Variants in GALNT13 observed in about 807,000 individuals in gnomAD.
GALNT13 encodes the protein UDP-GalNAc:polypeptide N-acetylgalactosaminyltransferase 13.
Under a neutral mutation model 64.2 loss-of-function variants are expected in GALNT13, and 28 were observed. The ratio of observed to expected loss-of-function variants is 0.44; its 90% CI spans 0.32 to 0.60. GALNT13 has a LOEUF of 0.60. GALNT13 is among the 20% of genes least tolerant of loss of function. GALNT13 has a pLI of 0.05. For missense variants in GALNT13, 577 were observed against 669.8 expected (o/e 0.86, Z 1.53); for synonymous variants, 214 against 224.6 (o/e 0.95, Z 0.42).
the GALNT13 span, among the ~76,000 whole-genome samples, chr2:153,153,142 T>A: frequency 1.3e-5 from 2 of 152,164 alleles, no homozygotes; most frequent in African/African-American, 4.8e-5. Context: ...GATTTGCATT[T>A]CTCTAATGAT....
chr2:153,479,183 G>A, the GALNT13 span, among the ~76,000 whole-genome samples: 2 of 152,174 alleles, frequency 1.3e-5, no homozygotes, highest in East Asian at 3.9e-4. Context: ...ATGGAAAGTG[G>A]CGATGAATCG....
At chr2:153,133,252 G>A in the GALNT13 span, among the ~76,000 whole-genome samples, 4 of 152,054 alleles carry the variant, frequency 2.6e-5, no homozygotes, top group African/African-American at 9.7e-5. Flanking sequence ...CTAACGAGCT[G>A]TTTTTAATGG....
chr2:154,245,104 A>AAAATAAAG (rs1689707086), intron 6 of GALNT13, among the ~76,000 whole-genome samples: 1 of 137,788 alleles, frequency 7.3e-6, no homozygotes, highest in South Asian at 2.4e-4. Context: ...AGGCTCTGTC[A>AAAATAAAG]AAATAAATAA....
At chr2:153,378,409 G>A in the GALNT13 span, among the ~76,000 whole-genome samples, 1 of 151,916 alleles carries the variant, frequency 6.6e-6, no homozygotes. Context: ...TACAGTTTGT[G>A]ATATCAATAT....
At chr2:154,241,993 G>T in intron 4 of GALNT13, 37 bp from the exon 5 acceptor site, 1 of 1,352,988 alleles carries the variant, frequency 7.4e-7, no homozygotes, top group Non-Finnish European at 1.0e-6. Flanking sequence ...GATAAAAAAT[G>T]CATTTATTAA....
At chr2:153,455,653 C>T in the GALNT13 span, among the ~76,000 whole-genome samples, 1 of 152,212 alleles carries the variant, frequency 6.6e-6, no homozygotes, top group Non-Finnish European at 1.5e-5. Context: ...ACTCCTGAAG[C>T]CCCAGAGGGC....
chr2:153,211,925 G>A, the GALNT13 span, among the ~76,000 whole-genome samples: 60 of 152,170 alleles, frequency 3.9e-4, no homozygotes, highest in African/African-American at 1.4e-3. Context: ...GTTACTTGTA[G>A]CAGGTAGCAT....
chr2:153,633,573 A>C, the GALNT13 span, among the ~76,000 whole-genome samples: 2 of 152,162 alleles, frequency 1.3e-5, no homozygotes, highest in African/African-American at 4.8e-5. Flanking sequence ...TGCCTACTAC[A>C]ATATTTTTCA....
chr2:153,901,249 G>A (rs1290233568), intron 2 of GALNT13, among the ~76,000 whole-genome samples: 1 of 152,146 alleles, frequency 6.6e-6, no homozygotes, highest in Non-Finnish European at 1.5e-5. Flanking sequence ...ATAGTTTGAA[G>A]TCGGGTAATG....
chr2:153,458,641 G>C, the GALNT13 span, among the ~76,000 whole-genome samples: 8 of 152,060 alleles, frequency 5.3e-5, no homozygotes, highest in Middle Eastern at 6.3e-3. Context: ...ACAGATTCTA[G>C]GCTTCATATT....
At chr2:153,100,162 C>G in the GALNT13 span, among the ~76,000 whole-genome samples, 2 of 152,090 alleles carry the variant, frequency 1.3e-5, no homozygotes, top group Admixed American at 6.6e-5. Context: ...TCCAATGAAC[C>G]TGAAAAGAGT....
At chr2:154,133,486 TCTCAA>T (rs1191697493) in intron 3 of GALNT13, among the ~76,000 whole-genome samples, 2 of 140,092 alleles carry the variant, frequency 1.4e-5, no homozygotes, top group East Asian at 4.4e-4. Flanking sequence ...CATATAGTAA[TCTCAA>T]CTCAATTCAT....
chr2:153,231,195 C>T, the GALNT13 span, among the ~76,000 whole-genome samples: 4 of 152,104 alleles, frequency 2.6e-5, no homozygotes, highest in Admixed American at 6.6e-5. Context: ...TGCCAGCAGA[C>T]GCATTAGGTT....
intron 9 of GALNT13, among the ~76,000 whole-genome samples, chr2:154,326,921 T>A (rs1383193081): frequency 6.6e-6 from 1 of 152,166 alleles, no homozygotes; most frequent in Non-Finnish European, 1.5e-5. Flanking sequence ...TTTTGGTTCG[T>A]CCATCAGGAG....
intron 3 of GALNT13, among the ~76,000 whole-genome samples, chr2:154,007,065 T>C (rs1696302971): frequency 6.6e-6 from 1 of 152,236 alleles, no homozygotes; most frequent in Non-Finnish European, 1.5e-5. Flanking sequence ...GAGATTATCT[T>C]AGGTGCACCT....
intron 3 of GALNT13, among the ~76,000 whole-genome samples, chr2:154,079,328 A>T (rs989289026): frequency 4.0e-5 from 6 of 151,820 alleles, no homozygotes; most frequent in African/African-American, 1.4e-4. Flanking sequence ...TATGAAGATA[A>T]ATATTTGTGA....
chr2:153,130,070 C>T, the GALNT13 span, among the ~76,000 whole-genome samples: 8 of 152,120 alleles, frequency 5.3e-5, no homozygotes, highest in Non-Finnish European at 7.4e-5. Flanking sequence ...TTTTCCTCCC[C>T]TACCTAATAC....
At chr2:154,033,587 G>A (rs1430163132) in intron 3 of GALNT13, among the ~76,000 whole-genome samples, 1 of 152,108 alleles carries the variant, frequency 6.6e-6, no homozygotes, top group Non-Finnish European at 1.5e-5. Flanking sequence ...TATCTGTTAG[G>A]AAATGGAAAT....
chr2:154,036,350 A>G (rs539736635), intron 3 of GALNT13, among the ~76,000 whole-genome samples: 1 of 152,250 alleles, frequency 6.6e-6, no homozygotes, highest in African/African-American at 2.4e-5. Flanking sequence ...CATTGCAGAT[A>G]CTATCACAGT....
Sources: allele counts gnomAD v4.1 joint callset (sites outside exome capture counted in the v4.1 genomes callset), GRCh38; gene constraint gnomAD v4.1.1; transcripts MANE v1.5; gene names NCBI Gene and HGNC (gene_info 2026-07-23, HGNC 2026-07-21).